RIMBP2: variants seen among roughly 807,000 people sequenced by gnomAD.
The protein encoded by RIMBP2 is RIMS-binding protein 2.
A neutral mutation model predicts 118.6 loss-of-function variants in RIMBP2; 48 were observed. That is an observed-to-expected ratio of 0.40 (90% confidence interval 0.32 to 0.51). The LOEUF is 0.51. RIMBP2 is among the 20% of genes least tolerant of loss of function. The probability of loss-of-function intolerance (pLI) is 0.41; values close to 1 mark genes in which losing one functional copy is unlikely to be tolerated. For synonymous variants in RIMBP2, 762 were observed against 742.9 expected (o/e 1.03, Z -0.42); for missense variants, 1,551 against 1,768.3 (o/e 0.88, Z 2.20).
intron 1 of RIMBP2, among the ~76,000 whole-genome samples, chr12:130,672,463 T>A (rs1019794217): frequency 1.2e-4 from 19 of 152,200 alleles, no homozygotes; most frequent in Non-Finnish European, 2.6e-4. Context: ...CTCTTTTCAC[T>A]CTCCCAAGTG....
chr12:130,544,678 C>T (rs1271635224), intron 2 of RIMBP2, among the ~76,000 whole-genome samples: 2 of 139,246 alleles, frequency 1.4e-5, no homozygotes, highest in Non-Finnish European at 3.0e-5. Flanking sequence ...CAGCTCACTG[C>T]AACCTTTGTC....
At chr12:130,407,500 T>C (rs1272877828) in intron 20 of RIMBP2, among the ~76,000 whole-genome samples, 1 of 152,206 alleles carries the variant, frequency 6.6e-6, no homozygotes, top group Admixed American at 6.5e-5. Flanking sequence ...ATCTGGGCCA[T>C]GGGGACAGGG....
chr12:130,476,541 C>T (rs2081444449), intron 5 of RIMBP2, among the ~76,000 whole-genome samples: 2 of 152,200 alleles, frequency 1.3e-5, no homozygotes, highest in Admixed American at 1.3e-4. Context: ...TGCACCCCAG[C>T]TACCCGGCCT....
At chr12:130,415,237 T>C (rs778125655) in intron 17 of RIMBP2, among the ~76,000 whole-genome samples, 21 of 152,194 alleles carry the variant, frequency 1.4e-4, no homozygotes, top group Non-Finnish European at 2.8e-4. Flanking sequence ...AGATGCAAGA[T>C]TGGTTCAACA....
intron 1 of RIMBP2, among the ~76,000 whole-genome samples, chr12:130,663,686 C>T (rs879449622): frequency 2.0e-5 from 3 of 151,734 alleles, no homozygotes; most frequent in Admixed American, 6.6e-5. Context: ...TGGGTGTCCC[C>T]AGACGCCTCT....
chr12:130,453,229 C>G (rs1260424279), intron 7 of RIMBP2, among the ~76,000 whole-genome samples: 1 of 152,216 alleles, frequency 6.6e-6, no homozygotes, highest in Non-Finnish European at 1.5e-5. Context: ...AACGCCTGCC[C>G]TCACATACTG....
intron 2 of RIMBP2, among the ~76,000 whole-genome samples, chr12:130,579,190 C>A (rs1415922958): frequency 2.6e-5 from 4 of 152,126 alleles, no homozygotes; most frequent in Non-Finnish European, 5.9e-5. Flanking sequence ...GCTGGTTGTG[C>A]GATCTTGGAT....
intron 4 of RIMBP2, among the ~76,000 whole-genome samples, chr12:130,503,915 C>T (rs904540446): frequency 6.6e-6 from 1 of 152,132 alleles, no homozygotes; most frequent in African/African-American, 2.4e-5. Flanking sequence ...GTAATTAGGC[C>T]ATATGCTTGG....
In RIMBP2 at chr12:130,657,553, C is replaced by T. The variant is rs1363690437; in HGVS notation, c.-351-29097G>A. Among the ~76,000 whole-genome samples, 5 of 152,174 alleles carry T rather than the reference C, an allele frequency of 3.3e-5. No homozygotes were observed. In the East Asian group the frequency reaches 5.8e-4, roughly 18 times the overall value. ...TGGAAGACAGAGAAAGATCCATCGT[C>T]GAAGCAATGCAGCGGCATCCACCGG... is the stretch of plus-strand genomic sequence containing the variant. On this transcript the variant is annotated intron_variant, in intron 1 of 22. Coordinates refer to ENST00000690449, the MANE Select transcript of RIMBP2 (RefSeq NM_001393629.1).
At chr12:130,633,077 T>C (rs2062103778) in intron 1 of RIMBP2, among the ~76,000 whole-genome samples, 1 of 152,186 alleles carries the variant, frequency 6.6e-6, no homozygotes, top group Non-Finnish European at 1.5e-5. Context: ...AGGTCCTCGC[T>C]ACATAGAATA....
chr12:130,451,422 T>G, intron 7 of RIMBP2, 82 bp from the exon 8 acceptor site: 64 of 1,354,066 alleles, frequency 4.7e-5, no homozygotes, highest in Middle Eastern at 1.9e-4. Context: ...CTACCCGGGG[T>G]GCCTTTCCCC....
rs1225335941 is a variant in RIMBP2 at position 130,617,780 on chromosome 12, A to T, written c.-217+10542T>A. ...ACGCAAATTAGATTATTCTGGTAGA[A>T]CAGGAATCACTCCGTTGTCTGGGCT... is the stretch of plus-strand genomic sequence containing the variant. On this transcript the variant is annotated intron_variant, in intron 2 of 22. Transcript: ENST00000690449. The surrounding 1 kb of genome is among the most constrained non-coding windows in gnomAD (Gnocchi z 4.6). Among the ~76,000 whole-genome samples, 8 of 152,204 alleles carry T rather than the reference A, an allele frequency of 5.3e-5. No homozygotes were observed. Among genetic ancestry groups the T allele is most frequent in the Non-Finnish European group, 1.2e-4 (8 of 68,040 alleles).
chr12:130,540,175 G>T (rs958387408), intron 2 of RIMBP2, among the ~76,000 whole-genome samples: 1 of 152,220 alleles, frequency 6.6e-6, no homozygotes, highest in Non-Finnish European at 1.5e-5. Flanking sequence ...AACCAGTGCA[G>T]GGCTGAGAGC....
intron 1 of RIMBP2, among the ~76,000 whole-genome samples, chr12:130,695,492 A>G (rs2136698343): frequency 6.6e-6 from 1 of 152,260 alleles, no homozygotes; most frequent in South Asian, 2.1e-4. Context: ...CTGCAATCCC[A>G]CCACTCTTGG....
intron 7 of RIMBP2, among the ~76,000 whole-genome samples, chr12:130,453,974 A>G (rs1379867761): frequency 6.6e-6 from 1 of 152,168 alleles, no homozygotes; most frequent in Admixed American, 6.5e-5. Context: ...GAATCGCTTG[A>G]ACCTGGGAGG....
intron 20 of RIMBP2, 29 bp downstream of exon 20, chr12:130,407,697 C>A: frequency 1.3e-6 from 2 of 1,554,892 alleles, no homozygotes; most frequent in South Asian, 2.2e-5. Flanking sequence ...TGGTTGTGTC[C>A]GTCATGAAGT....
chr12:130,565,947 G>A (rs1259864042), intron 2 of RIMBP2, among the ~76,000 whole-genome samples: 2 of 152,202 alleles, frequency 1.3e-5, no homozygotes, highest in African/African-American at 2.4e-5. Flanking sequence ...TGGTGAGAAT[G>A]TGAAAACCTG....
chr12:130,431,730 G>T lies in RIMBP2; in HGVS notation c.2253+3004C>A, dbSNP rs1012738616. The T allele has an allele frequency of 6.5e-6, 1 of 154,658 alleles. No homozygotes were observed. Among genetic ancestry groups the T allele is most frequent in the Non-Finnish European group, 1.4e-5 (1 of 70,154 alleles). The allele number at this position is 154,658 out of a possible 1,614,324, so 9.6% of individuals were successfully genotyped here. A position where few individuals can be genotyped will look rare whatever the true frequency, so the allele number is the denominator to read the frequency against. On this transcript the variant is annotated intron_variant, in intron 14 of 22. Transcript: ENST00000690449. This position sits in a 1 kb window ranked among gnomAD's most constrained non-coding sequence, Gnocchi z 4.0. Reference sequence around the variant, plus strand: ...AAGCAGGAAAACGTGTTAATAGCATGCTTGGCCAAACAGACTTCCTCTGCA... The same window carrying T: ...AAGCAGGAAAACGTGTTAATAGCATTCTTGGCCAAACAGACTTCCTCTGCA...
intron 1 of RIMBP2, among the ~76,000 whole-genome samples, chr12:130,704,996 C>T (rs2066032313): frequency 6.6e-6 from 1 of 152,198 alleles, no homozygotes; most frequent in African/African-American, 2.4e-5. Context: ...CAACACACAT[C>T]TCTTCTCTCA....
Sources: allele counts gnomAD v4.1 joint callset (sites outside exome capture counted in the v4.1 genomes callset), GRCh38; gene constraint gnomAD v4.1.1; non-coding constraint Gnocchi (gnomAD v3.1); transcripts MANE v1.5; gene names NCBI Gene and HGNC (gene_info 2026-07-23, HGNC 2026-07-21).